OPLAH: variants seen among roughly 807,000 people sequenced by gnomAD.
OPLAH encodes the protein 5-oxoprolinase.
OPLAH carries 103 observed loss-of-function variants against 122.8 expected under a neutral mutation model. That is an observed-to-expected ratio of 0.84 (90% CI 0.71 to 0.99). OPLAH has a LOEUF of 0.99. OPLAH is among the 50% of genes least tolerant of loss of function. OPLAH has a pLI of 0.00. For synonymous variants in OPLAH, 875 were observed against 796.0 expected (o/e 1.10, Z -1.67); for missense variants, 1,902 against 1,836.5 (o/e 1.04, Z -0.65).
Position 144,052,033 on chromosome 8 carries a change from C to G in OPLAH, c.3505G>C (p.Gly1169Arg), listed in dbSNP as rs1835391324. 2 of 1,589,910 alleles carry G rather than the reference C, an allele frequency of 1.3e-6. No homozygotes were observed. Among genetic ancestry groups the G allele is most frequent in the Non-Finnish European group, 1.7e-6 (2 of 1,176,308 alleles). The change falls in exon 25 of 27, where the codon GGG becomes CGG. Residue 1169 changes from glycine to arginine, a missense_variant. Around this residue, in one of 3 missense-constraint regions of OPLAH, gnomAD observed 1,726 missense variants for 1,642.1 expected, o/e 1.05. Coordinates refer to ENST00000618853, the MANE Select transcript of OPLAH (RefSeq NM_017570.5). Reference protein sequence around the residue: ...LRRFELRRGSGGRGRFRGGDG... With the variant: ...LRRFELRRGSRGRGRFRGGDG... Reference sequence around the variant, plus strand: ...CCGCCTCGGAAGCGGCCTCTGCCCCCCGAGCCCCGCCGCAGCTCGAAGCGG... The same window carrying G: ...CCGCCTCGGAAGCGGCCTCTGCCCCGCGAGCCCCGCCGCAGCTCGAAGCGG...
chr8:144,053,471 A>G, intron 19 of OPLAH, 78 bp from the exon 20 acceptor site: 1 of 1,410,904 alleles, frequency 7.1e-7, no homozygotes, highest in Non-Finnish European at 9.6e-7. Context: ...GATCCAGACA[A>G]GGTCTCTGGC....
At chr8:144,053,656 A>G (rs1337279437) in intron 19 of OPLAH, among the ~76,000 whole-genome samples, 1 of 151,998 alleles carries the variant, frequency 6.6e-6, no homozygotes. Context: ...CCAAGGGAGC[A>G]GCCAGCAATG....
In OPLAH at chr8:144,058,913, G is replaced by C; in HGVS notation, c.464-17C>G. ...CCGTGCGGCCTTCCAGAAAAGCCCAGGAGGCCCCGTTAAAGGCCAGCAGGA... is the reference window on the plus strand; with the variant it reads ...CCGTGCGGCCTTCCAGAAAAGCCCACGAGGCCCCGTTAAAGGCCAGCAGGA... On this transcript the variant is annotated splice_polypyrimidine_tract_variant and intron_variant, in intron 4 of 26. Transcript: ENST00000618853. The C allele has an allele frequency of 2.6e-6, 4 of 1,550,068 alleles. No individual in the cohort carries two copies. Among genetic ancestry groups the C allele is most frequent in the Non-Finnish European group, 3.5e-6 (4 of 1,146,360 alleles).
Position 144,057,854 on chromosome 8 carries a change from A to C in OPLAH, c.1156+2T>G. 6.2e-7 allele frequency: 1 copy of C among 1,610,670 alleles called. No homozygotes were observed. The highest frequency in any genetic ancestry group is 1.3e-5 in the African/African-American group (1 of 74,910). ...CCAGGCCGGCCAGATCCTGACTCTTACCTTTGCGGTAGCAGGCGGGTCCTG... is the reference window on the plus strand; with the variant it reads ...CCAGGCCGGCCAGATCCTGACTCTTCCCTTTGCGGTAGCAGGCGGGTCCTG... On this transcript the variant is annotated splice_donor_variant, in intron 9 of 26. Coordinates refer to ENST00000618853, the MANE Select transcript of OPLAH (RefSeq NM_017570.5). LOFTEE classifies it high-confidence loss of function.
rs182298526 is a variant in OPLAH, at chr8:144,059,879, G to A, written c.154C>T (p.Arg52Cys). Reference sequence around the variant, plus strand: ...TGGCCCACCTGCTCCAGGATGCGGCGGATGCCTTCGGTTGGCGCGTCCGCA... The same window carrying A: ...TGGCCCACCTGCTCCAGGATGCGGCAGATGCCTTCGGTTGGCGCGTCCGCA... Reference protein sequence around the residue: ...NYADAPTEGIRRILEQEAGML... With the variant: ...NYADAPTEGICRILEQEAGML... The change falls in exon 2 of 27, where the codon CGC becomes TGC. Residue 52 changes from arginine to cysteine, a missense_variant. Transcript: ENST00000618853. The A allele has an allele frequency of 2.8e-4, 444 of 1,612,762 alleles. 1 individual carries two copies. The African/African-American group carries it at 4.4e-3, about 16-fold the overall frequency.
Position 144,053,334 on chromosome 8 carries a change from G to C in OPLAH, c.2746C>G (p.Leu916Val). 6.2e-7 allele frequency: 1 copy of C among 1,612,906 alleles called. No homozygotes were observed. The highest frequency in any genetic ancestry group is 8.5e-7 in the Non-Finnish European group (1 of 1,179,802). The change falls in exon 20 of 27, where the codon CTG (leucine) becomes GTG (valine). Residue 916 changes from leucine to valine, a missense_variant. Around this residue, in one of 3 missense-constraint regions of OPLAH, gnomAD observed 1,726 missense variants for 1,642.1 expected, o/e 1.05. Transcript: ENST00000618853. Reference sequence around the variant, plus strand: ...CGGAGGTCCGACAGGTTGTCGTGCAGGTTTCTGGTTCCGCTGCAGTTGGGG... The same window carrying C: ...CGGAGGTCCGACAGGTTGTCGTGCACGTTTCTGGTTCCGCTGCAGTTGGGG... Reference protein sequence around the residue: ...KVPNCSGTRNLHDNLSDLRAQ... With the variant: ...KVPNCSGTRNVHDNLSDLRAQ...
chr8:144,061,286 G>A (rs1554760834), upstream of OPLAH, among the ~76,000 whole-genome samples: 1 of 152,202 alleles, frequency 6.6e-6, no homozygotes, highest in African/African-American at 2.4e-5. Context: ...TAGGAGGTCA[G>A]CACAACACAC....
At position 144,055,818 on chromosome 8, in the gene OPLAH, T is replaced by C; in HGVS notation, c.2218A>G (p.Ile740Val). Residue 740 changes from isoleucine to valine, a missense_variant, in exon 16 of 27, where the codon ATC becomes GTC. By Grantham distance (29) the Ile-to-Val change is conservative. Around this residue, in one of 3 missense-constraint regions of OPLAH, gnomAD observed 1,726 missense variants for 1,642.1 expected, o/e 1.05. Transcript: ENST00000618853. This position sits in a 1 kb window ranked among gnomAD's most constrained non-coding sequence, Gnocchi z 6.5. ...ATGCTCATGAAGCGGTGTGAGAAGATGGACAGCTGGATAGGGTCCAGCTGG... is the reference window on the plus strand; with the variant it reads ...ATGCTCATGAAGCGGTGTGAGAAGACGGACAGCTGGATAGGGTCCAGCTGG... ...GPQLDPIQLSIFSHRFMSIAE... is the reference protein window; with the variant it reads ...GPQLDPIQLSVFSHRFMSIAE... 6.4e-7 allele frequency: 1 copy of C among 1,561,032 alleles called. No homozygotes were observed. The highest frequency in any genetic ancestry group is 8.7e-7 in the Non-Finnish European group (1 of 1,154,150).
In OPLAH at chr8:144,053,272, C is replaced by A. The variant is rs1554758201; in HGVS notation, c.2808G>T (p.Leu936=). Residue 936 remains leucine (L), a synonymous_variant, in exon 20 of 27, where the codon CTG becomes CTT. Transcript: ENST00000618853. The stretch of plus-strand genomic sequence containing the variant: ...CGTACTGCCCAATGAGCTCCCCCAC[C>A]AGCTGGATGCCCTTCTGGTTGGCTG... The part of the protein sequence containing the change: ...QVAANQKGIQ[L]VGELIGQYGL... 1.9e-6 allele frequency: 3 copies of A among 1,613,106 alleles called. No homozygotes were observed. In the Admixed American group the frequency reaches 5.0e-5, roughly 27 times the overall value.
chr8:144,054,718 C>T lies in OPLAH; in HGVS notation c.2529G>A (p.Gln843=), dbSNP rs1334446904. 3 of 1,612,372 alleles carry T rather than the reference C, an allele frequency of 1.9e-6. No homozygotes were observed. Among genetic ancestry groups the T allele is most frequent in the Non-Finnish European group, 2.5e-6 (3 of 1,179,830 alleles). ...TVITPVFWPG[Q]TRPVFYVASR... ...TGGCCACATAGAACACAGGCCGCGT[C>T]TGACCCGGCCAAAACACCTAGCGGG... Residue 843 remains glutamine (Q), a synonymous_variant, in exon 19 of 27, where the codon CAG becomes CAA. Coordinates refer to ENST00000618853, the MANE Select transcript of OPLAH (RefSeq NM_017570.5).
In OPLAH at chr8:144,058,990, C is replaced by T. The variant is rs782431928; in HGVS notation, c.453G>A (p.Thr151=). ...VLHRGEAGTG[T]PVKGRTGDLL... ...CGGCGGCACACACACCTTTCACAGG[C>T]GTCCCGGTGCCCGCCTCTCCACGGT... The change falls in exon 4 of 27, where the codon ACG becomes ACA. Residue 151 remains threonine, a synonymous_variant. Transcript: ENST00000618853. 7.0e-6 allele frequency: 11 copies of T among 1,563,676 alleles called. No homozygotes were observed. The highest frequency in any genetic ancestry group is 4.8e-5 in the East Asian group (2 of 41,600).
intron 17 of OPLAH, 49 bp from the exon 18 acceptor site, chr8:144,054,962 G>C (rs1835473515): frequency 8.7e-7 from 1 of 1,144,754 alleles, no homozygotes; most frequent in East Asian, 3.8e-5. Context: ...GCAGGGGCCA[G>C]AGCGGGGTGG....
chr8:144,057,254 A>G lies in OPLAH; in HGVS notation c.1489T>C (p.Cys497Arg). 3 of 1,612,412 alleles carry G rather than the reference A, an allele frequency of 1.9e-6. No individual in the cohort carries two copies. Among genetic ancestry groups the G allele is most frequent in the Non-Finnish European group, 2.5e-6 (3 of 1,179,742 alleles). Residue 497 changes from cysteine (C) to arginine (R), a missense_variant, in exon 11 of 27, where the codon TGT (cysteine) becomes CGT (arginine). By Grantham distance (180) the Cys-to-Arg change is radical. This residue lies in a region of OPLAH where 1,726 missense variants were observed against 1,642.1 expected (regional missense o/e 1.05). Transcript: ENST00000618853. Reference sequence around the variant, plus strand: ...ATGCCCAGGGCCCGGGCGATGGCACATGCATGCTGCCCACCAGCTCCCCCA... The same window carrying G: ...ATGCCCAGGGCCCGGGCGATGGCACGTGCATGCTGCCCACCAGCTCCCCCA... ...CFGGAGGQHA[C>R]AIARALGMDT...
At position 144,054,724 on chromosome 8, in the gene OPLAH, C is replaced by T. The variant is rs187500280; in HGVS notation, c.2523G>A (p.Pro841=). The part of the protein sequence containing the change: ...DLTVITPVFW[P]GQTRPVFYVA... ...CATAGAACACAGGCCGCGTCTGACC[C>T]GGCCAAAACACCTAGCGGGTGGAGA... The change falls in exon 19 of 27, where the codon CCG becomes CCA. Residue 841 remains proline (P), a synonymous_variant. Transcript: ENST00000618853. The T allele has an allele frequency of 1.4e-4, 229 of 1,612,302 alleles. 2 individuals are homozygous for T. In the African/African-American group the frequency reaches 2.0e-3, roughly 14 times the overall value.
Position 144,055,944 on chromosome 8 carries a change from G to A in OPLAH, c.2097-5C>T. On this transcript the variant is annotated splice_region_variant and splice_polypyrimidine_tract_variant and intron_variant, in intron 15 of 26. Coordinates refer to ENST00000618853, the MANE Select transcript of OPLAH (RefSeq NM_017570.5). This position sits in a 1 kb window ranked among gnomAD's most constrained non-coding sequence, Gnocchi z 6.5. ...CCTGGCTCCACCAGGATGGTGCTGG[G>A]GAGCAGAGGGCACAGAGGGCTGCAT... 1 of 1,571,732 alleles carries A rather than the reference G, an allele frequency of 6.4e-7. No individual in the cohort carries two copies. The highest frequency in any genetic ancestry group is 8.6e-7 in the Non-Finnish European group (1 of 1,157,404).
Position 144,052,838 on chromosome 8 carries a change from C to A in OPLAH, c.3081G>T (p.Pro1027=). 6.4e-7 allele frequency: 1 copy of A among 1,556,154 alleles called. No individual in the cohort carries two copies. Among genetic ancestry groups the A allele is most frequent in the Admixed American group, 1.9e-5 (1 of 51,492 alleles). ...TGAGGGCGGACAGGGTTACGGCCCG[C>A]GGTGCGTTGAGATTACCAAACACCT... ...GPEVFGNLNA[P]RAVTLSALIY... is the part of the protein sequence containing the mutation. The change falls in exon 22 of 27, where the codon CCG becomes CCT. Residue 1027 remains proline, a synonymous_variant. Transcript: ENST00000618853.
Position 144,052,837 on chromosome 8 carries a change from G to T in OPLAH, c.3082C>A (p.Arg1028=). Residue 1028 remains arginine, a synonymous_variant, in exon 22 of 27, where the codon CGG becomes AGG. Coordinates refer to ENST00000618853, the MANE Select transcript of OPLAH (RefSeq NM_017570.5). ...PEVFGNLNAP[R]AVTLSALIYC... is the part of the protein sequence containing the mutation. ...ATGAGGGCGGACAGGGTTACGGCCC[G>T]CGGTGCGTTGAGATTACCAAACACC... is the stretch of plus-strand genomic sequence containing the variant. 1 of 1,556,100 alleles carries T rather than the reference G, an allele frequency of 6.4e-7. No individual in the cohort carries two copies. Among genetic ancestry groups the T allele is most frequent in the Non-Finnish European group, 8.7e-7 (1 of 1,150,624 alleles).
chr8:144,057,576 T>G lies in OPLAH; in HGVS notation c.1294A>C (p.Thr432Pro), dbSNP rs782042500. 2.5e-6 allele frequency: 4 copies of G among 1,582,898 alleles called. No individual in the cohort carries two copies. Among genetic ancestry groups the G allele is most frequent in the Non-Finnish European group, 2.6e-6 (3 of 1,164,336 alleles). ...TTGGTCAGGAAGCTGTTGACCTCAG[T>G]GGCCACAGCCTCCAGGGCTTTGCGG... ...ASRKALEAVA[T>P]EVNSFLTNGP... The change falls in exon 10 of 27, where the codon ACT (threonine) becomes CCT (proline). Residue 432 changes from threonine (T) to proline (P), a missense_variant. By Grantham distance (38) the Thr-to-Pro change is conservative (BLOSUM62 -1). Around this residue, in one of 3 missense-constraint regions of OPLAH, gnomAD observed 1,726 missense variants for 1,642.1 expected, o/e 1.05. Coordinates refer to ENST00000618853, the MANE Select transcript of OPLAH (RefSeq NM_017570.5).
chr8:144,055,933 G>A lies in OPLAH; in HGVS notation c.2103C>T (p.Ile701=). ...PCLIIDSNST[I]LVEPGCQAEV... ...CTGCCTGGCAACCTGGCTCCACCAGGATGGTGCTGGGGAGCAGAGGGCACA... is the reference window on the plus strand; with the variant it reads ...CTGCCTGGCAACCTGGCTCCACCAGAATGGTGCTGGGGAGCAGAGGGCACA... Residue 701 remains isoleucine (I), a synonymous_variant, in exon 16 of 27, where the codon ATC becomes ATT. Coordinates refer to ENST00000618853, the MANE Select transcript of OPLAH (RefSeq NM_017570.5). The surrounding 1 kb of genome is among the most constrained non-coding windows in gnomAD (Gnocchi z 6.5). 2 of 1,583,520 alleles carry A rather than the reference G, an allele frequency of 1.3e-6. No homozygotes were observed. Among genetic ancestry groups the A allele is most frequent in the South Asian group, 1.1e-5 (1 of 86,974 alleles).
Sources: gnomAD v4.1 joint callset for allele counts (sites outside exome capture counted in the v4.1 genomes callset) on GRCh38, gnomAD v4.1.1 for gene constraint, gnomAD v4.1.1 regional missense constraint, Gnocchi (gnomAD v3.1) non-coding constraint, MANE v1.5 for transcripts, NCBI Gene and HGNC (gene_info 2026-07-23, HGNC 2026-07-21) for gene names.